Variants in ARID1B observed in about 807,000 individuals in gnomAD.
ARID1B encodes AT-rich interactive domain-containing protein 1B.
A neutral mutation model predicts 212.3 loss-of-function variants in ARID1B; 30 were observed. The observed-to-expected ratio is 0.14, with a 90% CI of 0.11 to 0.19. The LOEUF (loss-of-function observed/expected upper bound fraction) is 0.19, where lower values mean the gene tolerates loss of function less well. Ranked by LOEUF, ARID1B falls within the 10% of genes least tolerant of loss-of-function variation. ARID1B has a pLI of 1.00. For missense variants in ARID1B, 2,891 were observed against 3,204.0 expected, an observed-to-expected ratio of 0.90 and a Z score of 2.36; for synonymous variants, 1,402 against 1,301.7, an observed-to-expected ratio of 1.08 and a Z score of -1.66.
intron 6 of ARID1B, among the ~76,000 whole-genome samples, chr6:157,122,175 T>C (rs1295141136): frequency 2.0e-5 from 3 of 152,138 alleles, no homozygotes; most frequent in African/African-American, 7.3e-5. Context: ...TTTTAATTGA[T>C]AGAAGAAAAA....
At position 157,123,245 on chromosome 6, in the gene ARID1B, CCCCA is replaced by C. The variant is rs1022856786; in HGVS notation, c.2582-9781_2582-9778del. Among the ~76,000 whole-genome samples, 9 of 120,440 alleles carry C rather than the reference CCCCA, an allele frequency of 7.5e-5. No individual in the cohort carries two copies. In the South Asian group the frequency reaches 1.0e-3, roughly 14 times the overall value. The allele number at this position is 120,440 out of a possible 152,430, so 79.0% of individuals were successfully genotyped here. The stretch of plus-strand genomic sequence containing the variant: ...CTCTCCCCCCCGCCCCCCGCCCCCC[CCCCA>C]CACACACACAAGCAAACTCTGGGGA... On this transcript the variant is annotated intron_variant, in intron 6 of 19. Transcript: ENST00000636930.
At position 157,148,792 on chromosome 6, in the gene ARID1B, G is replaced by C; in HGVS notation, c.2930G>C (p.Arg977Thr). Residue 977 changes from arginine (R) to threonine (T), a missense_variant, in exon 8 of 20, where the codon AGA (arginine) becomes ACA (threonine). By Grantham distance (71) the Arg-to-Thr change is moderately conservative (BLOSUM62 -1). Coordinates refer to ENST00000636930, the MANE Select transcript of ARID1B (RefSeq NM_001374828.1). The surrounding 1 kb of genome is among the most constrained non-coding windows in gnomAD (Gnocchi z 5.6). ...ATGCCATCAGCTGGGATGCAGAACA[G>C]ACCATTTCCTGGAAATATGAGCAGC... is the stretch of plus-strand genomic sequence containing the variant. Reference protein sequence around the residue: ...GRMPSAGMQNRPFPGNMSSMT... With the variant: ...GRMPSAGMQNTPFPGNMSSMT... 6.2e-7 allele frequency: 1 copy of C among 1,613,026 alleles called. No homozygotes were observed. Among genetic ancestry groups the C allele is most frequent in the Non-Finnish European group, 8.5e-7 (1 of 1,179,806 alleles).
chr6:156,977,150 G>T, intron 4 of ARID1B: 1 of 229,616 alleles, frequency 4.4e-6, no homozygotes, highest in Non-Finnish European at 8.5e-6. Context: ...TAATTATGAT[G>T]GGACTGGTGT....
At chr6:156,846,713 C>A (rs537664761) in intron 2 of ARID1B, among the ~76,000 whole-genome samples, 1 of 152,142 alleles carries the variant, frequency 6.6e-6, no homozygotes, top group African/African-American at 2.4e-5. Flanking sequence ...GGGCCTGTTA[C>A]GTGTTTTAAC....
chr6:156,978,190 C>T (rs114722929), intron 4 of ARID1B, among the ~76,000 whole-genome samples: 2,444 of 152,294 alleles, frequency 0.016, 65 homozygotes, highest in African/African-American at 0.056. Context: ...TCTTATTGAC[C>T]TCTGATTCCC....
Position 157,209,739 on chromosome 6 carries a change from G to C in ARID1B, c.*1848G>C, listed in dbSNP as rs1441499034. On this transcript the variant is annotated 3_prime_UTR_variant, in exon 20 of 20. Transcript: ENST00000636930. ...AAAAGAATCTGTTATATTGTATGTG[G>C]TGTACATAGTGCAAAGTGATGATTT... 12 of 233,090 alleles carry C rather than the reference G, an allele frequency of 5.1e-5. No homozygotes were observed. The Admixed American group carries it at 6.7e-4, about 13-fold the overall frequency. The allele number at this position is 233,090 out of a possible 1,614,324, so 14.4% of individuals were successfully genotyped here.
chr6:157,043,097 T>G (rs12215320), intron 4 of ARID1B, among the ~76,000 whole-genome samples: 3,910 of 152,322 alleles, frequency 0.026, 74 homozygotes, highest in South Asian at 0.045. Flanking sequence ...ACACTTGTAT[T>G]ACTTTTTACC....
intron 4 of ARID1B, among the ~76,000 whole-genome samples, chr6:156,956,987 T>C (rs1008567741): frequency 6.6e-6 from 1 of 152,184 alleles, no homozygotes; most frequent in Non-Finnish European, 1.5e-5. Flanking sequence ...AAAATAACAA[T>C]GTTAGGTTAA....
chr6:157,131,500 G>C (rs901108039), intron 6 of ARID1B, among the ~76,000 whole-genome samples: 3 of 152,058 alleles, frequency 2.0e-5, no homozygotes, highest in East Asian at 1.9e-4. Flanking sequence ...GGGGAGAGAG[G>C]CTTTGCTGAG....
At chr6:156,909,123 C>CTCTT (rs769251080) in intron 3 of ARID1B, among the ~76,000 whole-genome samples, 4 of 108,822 alleles carry the variant, frequency 3.7e-5, no homozygotes, top group African/African-American at 1.5e-4. Context: ...TTTTCTTTCT[C>CTCTT]TTTTTTTTTT....
chr6:157,123,180 T>TCTCTGTCTCTGTCTCTG (rs1562636853), intron 6 of ARID1B, among the ~76,000 whole-genome samples: 6 of 146,378 alleles, frequency 4.1e-5, no homozygotes, highest in Admixed American at 1.3e-4. Flanking sequence ...TTTGAGATCT[T>TCTCTGTCTCTGTCTCTG]TCTCTGTCTC....
At chr6:157,188,220 A>AAATAAAAACTTTTTTAAAAAAGTC (rs1793115549) in intron 13 of ARID1B, among the ~76,000 whole-genome samples, 1 of 152,106 alleles carries the variant, frequency 6.6e-6, no homozygotes. Flanking sequence ...AAAAAAAAGT[A>AAATAAAAACTTTTTTAAAAAAGTC]AATAAAAACT....
chr6:156,815,888 C>T (rs1209355612), intron 1 of ARID1B, among the ~76,000 whole-genome samples: 1 of 152,160 alleles, frequency 6.6e-6, no homozygotes, highest in Non-Finnish European at 1.5e-5. Context: ...TTTATGTCAT[C>T]CTGGTTCATG....
At position 156,778,031 on chromosome 6, in the gene ARID1B, G is replaced by C. The variant is rs1363161870; in HGVS notation, c.351G>C (p.Leu117=). The change falls in exon 1 of 20, where the codon CTG becomes CTC. Residue 117 remains leucine (L), a synonymous_variant. Coordinates refer to ENST00000636930, the MANE Select transcript of ARID1B (RefSeq NM_001374828.1). ...ALKEGGSAAA[L]SSSSSSSAAA... ...AGGAGGGTGGAAGCGCCGCCGCGCT[G>C]TCCTCCTCCTCCTCCTCCTCCGCGG... 11 of 1,532,400 alleles carry C rather than the reference G, an allele frequency of 7.2e-6. No homozygotes were observed. The highest frequency in any genetic ancestry group is 6.0e-5 in the South Asian group (5 of 83,780). 94.9% of individuals were successfully genotyped at this position (1,532,400 alleles called of 1,614,324 possible).
At chr6:157,037,923 T>C (rs12663244) in intron 4 of ARID1B, among the ~76,000 whole-genome samples, 2 of 152,144 alleles carry the variant, frequency 1.3e-5, no homozygotes, top group Non-Finnish European at 2.9e-5. Context: ...AGGGACAATA[T>C]GGTGTCACCC....
Position 156,791,964 on chromosome 6 carries a change from A to G in ARID1B, c.1791+12493A>G, listed in dbSNP as rs369124962. Among the ~76,000 whole-genome samples, 12 of 152,324 alleles carry G rather than the reference A, an allele frequency of 7.9e-5. No homozygotes were observed. In the East Asian group the frequency reaches 1.3e-3, roughly 17 times the overall value. On this transcript the variant is annotated intron_variant, in intron 1 of 19. Transcript: ENST00000636930. ...TTTATTTCCTAATGCTAGGAATTAA[A>G]TACTTTTGACATAGTGGACAATTTA...
At chr6:157,149,236 G>A (rs1187321197) in intron 8 of ARID1B, 1 of 403,838 alleles carries the variant, frequency 2.5e-6, no homozygotes, top group Non-Finnish European at 4.6e-6. Context: ...CAGCAAACCA[G>A]ATCTGGTTGC....
At chr6:157,153,389 C>A (rs922208173) in intron 8 of ARID1B, among the ~76,000 whole-genome samples, 5 of 152,152 alleles carry the variant, frequency 3.3e-5, no homozygotes, top group Non-Finnish European at 5.9e-5. Context: ...CACTGATACC[C>A]TTTTTATCTG....
chr6:157,086,922 G>A (rs1366422651), intron 5 of ARID1B, among the ~76,000 whole-genome samples: 1 of 152,214 alleles, frequency 6.6e-6, no homozygotes, highest in Non-Finnish European at 1.5e-5. Context: ...CGGACGGAGA[G>A]CACAAGGATC....
Sources: gnomAD v4.1 joint callset for allele counts (sites outside exome capture counted in the v4.1 genomes callset) on GRCh38, gnomAD v4.1.1 for gene constraint, Gnocchi (gnomAD v3.1) non-coding constraint, MANE v1.5 for transcripts, NCBI Gene and HGNC (gene_info 2026-07-23, HGNC 2026-07-21) for gene names.